Variants in DOCK7 observed in about 807,000 individuals in gnomAD.
DOCK7 encodes the protein dedicator of cytokinesis protein 7.
A neutral mutation model predicts 271.0 loss-of-function variants in DOCK7; 138 were observed. That is an observed-to-expected ratio of 0.51 (90% CI 0.44 to 0.59). The LOEUF (loss-of-function observed/expected upper bound fraction) is 0.59. DOCK7 is among the 20% of genes least tolerant of loss of function. The pLI, the probability that DOCK7 is intolerant of heterozygous loss-of-function variation, is 0.00. For synonymous variants in DOCK7, 823 were observed against 876.1 expected, an observed-to-expected ratio of 0.94 and a Z score of 1.07; for missense variants, 2,066 against 2,592.4, an observed-to-expected ratio of 0.80 and a Z score of 4.41.
At chr1:62,600,420 A>G (rs1022773182) in intron 14 of DOCK7, among the ~76,000 whole-genome samples, 1 of 151,852 alleles carries the variant, frequency 6.6e-6, no homozygotes, top group Non-Finnish European at 1.5e-5. Context: ...CATTCATGCC[A>G]GCATCAAAAA....
At chr1:62,462,771 AT>A (rs561950171) in intron 48 of DOCK7, among the ~76,000 whole-genome samples, 58 of 148,174 alleles carry the variant, frequency 3.9e-4, no homozygotes, top group South Asian at 1.7e-3. Flanking sequence ...TTGCAAATGG[AT>A]TTTTTTTTTT....
chr1:62,479,005 C>T (rs554898525), intron 43 of DOCK7: 4 of 152,144 alleles, frequency 2.6e-5, no homozygotes, highest in African/African-American at 9.6e-5. Flanking sequence ...GTCACCTCAG[C>T]CTCCTGAGTA....
At chr1:62,629,460 G>A (rs1654350232) in intron 11 of DOCK7, 1 of 152,136 alleles carries the variant, frequency 6.6e-6, no homozygotes, top group Non-Finnish European at 1.5e-5. Context: ...ATTATGGCAA[G>A]TGAAAGAAGC....
At chr1:62,506,471 C>CTTTT (rs11311703) in intron 35 of DOCK7, among the ~76,000 whole-genome samples, 1 of 147,882 alleles carries the variant, frequency 6.8e-6, no homozygotes. Context: ...CTGATAAAAT[C>CTTTT]TTTTTTTTTT....
At chr1:62,508,761 CA>C (rs1433130901) in intron 34 of DOCK7, among the ~76,000 whole-genome samples, 2 of 149,106 alleles carry the variant, frequency 1.3e-5, no homozygotes, top group African/African-American at 5.0e-5. Flanking sequence ...GAAAAAAGAA[CA>C]AAACAGTTTG....
At chr1:62,665,518 A>T (rs1458673597) in intron 1 of DOCK7, among the ~76,000 whole-genome samples, 1 of 151,428 alleles carries the variant, frequency 6.6e-6, no homozygotes, top group East Asian at 2.0e-4. Flanking sequence ...ATCCTGAACA[A>T]CGTGGTGAAA....
chr1:62,531,766 C>A (rs563137126), intron 29 of DOCK7, among the ~76,000 whole-genome samples: 1 of 152,316 alleles, frequency 6.6e-6, no homozygotes, highest in South Asian at 2.1e-4. Context: ...ATATACCTCC[C>A]AAGACAGTAA....
chr1:62,583,106 T>G, intron 16 of DOCK7, 78 bp downstream of exon 16: 3 of 1,198,254 alleles, frequency 2.5e-6, no homozygotes, highest in Non-Finnish European at 3.6e-6. Context: ...GCAAAGCATT[T>G]GGTAAACACA....
At chr1:62,601,098 T>C in intron 14 of DOCK7, 1 of 1,602,082 alleles carries the variant, frequency 6.2e-7, no homozygotes, top group Non-Finnish European at 8.5e-7. Flanking sequence ...AGGACTAGTA[T>C]TCAAGAACCC....
rs747720597 is a variant in DOCK7 at position 62,475,869 on chromosome 1, G to A, written c.5799C>T (p.Asp1933=). 6.2e-7 allele frequency: 1 copy of A among 1,614,032 alleles called. No individual in the cohort carries two copies. Among genetic ancestry groups the A allele is most frequent in the Admixed American group, 1.7e-5 (1 of 60,014 alleles). ...TGAATCGACGAAGATTGTAATTTTT[G>A]TCGAAATAGGTGATTCTGTCCTTCA... is the stretch of plus-strand genomic sequence containing the variant. ...YEMKDRITYF[D]KNYNLRRFMY... is the part of the protein sequence containing the mutation. Residue 1933 remains aspartate (D), a synonymous_variant, in exon 46 of 50, where the codon GAC becomes GAT. Coordinates refer to ENST00000635253, the MANE Select transcript of DOCK7 (RefSeq NM_001367561.1).
At chr1:62,529,523 T>A in intron 29 of DOCK7, 77 bp from the exon 30 acceptor site, 2 of 1,143,718 alleles carry the variant, frequency 1.7e-6, no homozygotes, top group Non-Finnish European at 2.4e-6. Flanking sequence ...AAACAAACAG[T>A]AAGTCATGGT....
chr1:62,485,571 T>C (rs1440453244), intron 43 of DOCK7: 1 of 985,224 alleles, frequency 1.0e-6, no homozygotes, highest in African/African-American at 1.7e-5. Flanking sequence ...ACTAGAAAAT[T>C]AGCTAGGAAA....
At chr1:62,464,833 T>C (rs1019220407) in intron 48 of DOCK7, among the ~76,000 whole-genome samples, 5 of 152,220 alleles carry the variant, frequency 3.3e-5, no homozygotes, top group African/African-American at 9.7e-5. Flanking sequence ...AGTCTGCTTA[T>C]ATGTGGATTT....
chr1:62,633,787 T>C (rs1654915224), intron 9 of DOCK7: 1 of 491,272 alleles, frequency 2.0e-6, no homozygotes, highest in Non-Finnish European at 3.6e-6. Context: ...GAAACTACCA[T>C]AATAAAGGCC....
rs951250321 is a variant in DOCK7 at position 62,688,229 on chromosome 1, G to A, written c.36C>T (p.Ser12=). 2.2e-6 allele frequency: 3 copies of A among 1,378,080 alleles called. No individual in the cohort carries two copies. Among genetic ancestry groups the A allele is most frequent in the Non-Finnish European group, 2.8e-6 (3 of 1,053,622 alleles). The allele number at this position is 1,378,080 out of a possible 1,614,324, so 85.4% of individuals were successfully genotyped here. A position where few individuals can be genotyped will look rare whatever the true frequency, so the allele number is the denominator to read the frequency against. ...AERRAFAQKI[S]RTVAAEVRKQ... ...CGCGCCCCACGCCGGATATTTACCT[G>A]CTGATCTTCTGGGCGAAGGCGCGGC... The change falls in exon 1 of 50, where the codon AGC becomes AGT. Residue 12 remains serine (S), a splice_region_variant and synonymous_variant. Transcript: ENST00000635253.
chr1:62,677,133 T>C (rs1020186803), intron 1 of DOCK7, among the ~76,000 whole-genome samples: 14 of 152,240 alleles, frequency 9.2e-5, no homozygotes, highest in African/African-American at 2.4e-4. Context: ...TGTTTTGCTA[T>C]GAACAGTACT....
chr1:62,545,907 T>C (rs1206914624), intron 22 of DOCK7, among the ~76,000 whole-genome samples: 1 of 152,188 alleles, frequency 6.6e-6, no homozygotes, highest in Non-Finnish European at 1.5e-5. Flanking sequence ...ATTCAGATCC[T>C]GGGCTCTATC....
chr1:62,551,077 G>C (rs1179280661), intron 22 of DOCK7, among the ~76,000 whole-genome samples: 1 of 152,124 alleles, frequency 6.6e-6, no homozygotes, highest in Non-Finnish European at 1.5e-5. Context: ...AGGAAGAAGA[G>C]AGAACATTAA....
At position 62,526,096 on chromosome 1, in the gene DOCK7, C is replaced by T. The variant is rs567548374; in HGVS notation, c.3936+2055G>A. ...GGACTACAGTAGGCACATGCCACCACGCCCGGCTATTTTTTGTGGTTTTGG... is the reference window on the plus strand; with the variant it reads ...GGACTACAGTAGGCACATGCCACCATGCCCGGCTATTTTTTGTGGTTTTGG... On this transcript the variant is annotated intron_variant, in intron 31 of 49. Transcript: ENST00000635253. 4.7e-4 allele frequency among the ~76,000 whole-genome samples: 71 copies of T among 152,186 alleles called. 1 individual carries two copies. The highest frequency in any genetic ancestry group is 1.2e-3 in the Admixed American group (18 of 15,284).
Sources: gnomAD v4.1 joint callset for allele counts (sites outside exome capture counted in the v4.1 genomes callset) on GRCh38, gnomAD v4.1.1 for gene constraint, MANE v1.5 for transcripts, NCBI Gene and HGNC (gene_info 2026-07-23, HGNC 2026-07-21) for gene names.